ATPAF2: variants seen among roughly 807,000 people sequenced by gnomAD.
The protein encoded by ATPAF2 is ATP synthase mitochondrial F1 complex assembly factor 2, also known as ATP12 homolog.
A neutral mutation model predicts 36.6 loss-of-function variants in ATPAF2; 30 were observed. The observed-to-expected ratio is 0.82, with a 90% CI of 0.61 to 1.11. The LOEUF (loss-of-function observed/expected upper bound fraction) is 1.11. Among genes scored for constraint, ATPAF2 ranks in the 50% most tolerant of loss-of-function variants. The probability of loss-of-function intolerance (pLI) is 0.00; values close to 1 mark genes in which losing one functional copy is unlikely to be tolerated. For missense variants in ATPAF2, 321 were observed against 372.3 expected, an observed-to-expected ratio of 0.86 and a Z score of 1.13; for synonymous variants, 140 against 152.6, an observed-to-expected ratio of 0.92 and a Z score of 0.61.
chr17:18,017,194 AAAAAAAAAAAAAAAT>A (rs1231725111), downstream of ATPAF2, among the ~76,000 whole-genome samples: 10 of 148,756 alleles, frequency 6.7e-5, no homozygotes, highest in East Asian at 1.7e-3. Context: ...AAAAAAAAAA[AAAAAAAAAAAAAAAT>A]GTTCATGTAG....
chr17:18,016,225 CTGGA>C (rs1347752423), downstream of ATPAF2: 4 of 1,603,450 alleles, frequency 2.5e-6, no homozygotes, highest in African/African-American at 5.4e-5. Flanking sequence ...TCCTAGCAGG[CTGGA>C]TGAACTTTTC....
At chr17:18,038,699 T>C (rs1261112401) in intron 1 of ATPAF2, among the ~76,000 whole-genome samples, 182 bp downstream of exon 1, 7 of 152,180 alleles carry the variant, frequency 4.6e-5, no homozygotes, top group Admixed American at 4.6e-4. Flanking sequence ...GACTCGCTGT[T>C]CCCTCTCGGG....
chr17:18,038,882 T>A lies in ATPAF2; in HGVS notation c.132A>T (p.Thr44=), dbSNP rs752169082. ...CAAAAGAACATGTCATGGTCTTACC[T>A]GTCGGCGGGGCGTAAGCCCGGGCTG... is the stretch of plus-strand genomic sequence containing the variant. ...PSPARAYAPP[T]ERKRFYQNVS... is the part of the protein sequence containing the mutation. Residue 44 remains threonine (T), a splice_region_variant and synonymous_variant, in exon 1 of 8, where the codon ACA becomes ACT. Transcript: ENST00000474627. The A allele has an allele frequency of 6.2e-7, 1 of 1,613,998 alleles. No individual in the cohort carries two copies. The highest frequency in any genetic ancestry group is 8.5e-7 in the Non-Finnish European group (1 of 1,179,856).
intron 1 of ATPAF2, among the ~76,000 whole-genome samples, chr17:18,038,217 C>G (rs1215960957): frequency 1.3e-5 from 2 of 152,186 alleles, no homozygotes; most frequent in Non-Finnish European, 2.9e-5. Flanking sequence ...TACTGCTCTT[C>G]ATTCACTGAA....
intron 2 of ATPAF2, 32 bp downstream of exon 2, chr17:18,028,583 A>G: frequency 6.2e-7 from 1 of 1,605,546 alleles, no homozygotes; most frequent in Non-Finnish European, 8.5e-7. Flanking sequence ...AAAAAAAAAA[A>G]AAAAGAGGCA....
intron 1 of ATPAF2, among the ~76,000 whole-genome samples, chr17:18,035,788 A>G (rs934143604): frequency 1.1e-4 from 16 of 152,236 alleles, no homozygotes; most frequent in Admixed American, 5.9e-4. Context: ...TCTACAGACT[A>G]CATAATCTCC....
rs551939105 is a variant in ATPAF2 at position 18,018,441 on chromosome 17, G to A, written c.*108C>T. 2.3e-5 allele frequency: 34 copies of A among 1,496,396 alleles called. No individual in the cohort carries two copies. Among genetic ancestry groups the A allele is most frequent in the East Asian group, 1.6e-4 (7 of 44,406 alleles). 92.7% of individuals were successfully genotyped at this position (1,496,396 alleles called of 1,614,324 possible). A position where few individuals can be genotyped will look rare whatever the true frequency, so the allele number is the denominator to read the frequency against. On this transcript the variant is annotated 3_prime_UTR_variant, in exon 8 of 8. Coordinates refer to ENST00000474627, the MANE Select transcript of ATPAF2 (RefSeq NM_145691.4). ...GGAATCTCAGGGTGACGCTGAGGCC[G>A]AGTCCCCAAAAGCCAAGGAAGCCAG...
intron 1 of ATPAF2, among the ~76,000 whole-genome samples, chr17:18,031,637 G>A (rs557890436): frequency 3.9e-5 from 6 of 151,956 alleles, no homozygotes; most frequent in South Asian, 4.2e-4. Context: ...AAAATTAGCC[G>A]GGCGTGGTGG....
rs758558880 is a variant in ATPAF2 at position 18,021,867 on chromosome 17, A to C, written c.504-10T>G. ...GATCTCCACGCCGTATCTGAAAGGA[A>C]AAGGGCTTCGGCATGTCTCTGTCAT... On this transcript the variant is annotated splice_polypyrimidine_tract_variant and intron_variant, in intron 5 of 7. Coordinates refer to ENST00000474627, the MANE Select transcript of ATPAF2 (RefSeq NM_145691.4). 1 of 1,612,590 alleles carries C rather than the reference A, an allele frequency of 6.2e-7. No homozygotes were observed. Among genetic ancestry groups the C allele is most frequent in the Admixed American group, 1.7e-5 (1 of 60,016 alleles).
At chr17:18,030,972 C>CTTTTT (rs1316913316) in intron 1 of ATPAF2, among the ~76,000 whole-genome samples, 1 of 88,450 alleles carries the variant, frequency 1.1e-5, no homozygotes, top group Non-Finnish European at 2.2e-5. Context: ...CGCGCCTGGC[C>CTTTTT]TTTTTTTTTT....
intron 1 of ATPAF2, among the ~76,000 whole-genome samples, chr17:18,032,967 G>T (rs1003400416): frequency 7.2e-5 from 11 of 151,750 alleles, no homozygotes; most frequent in African/African-American, 2.7e-4. Context: ...GAGAATGCAA[G>T]ATTCTCTAAG....
At position 18,026,371 on chromosome 17, in the gene ATPAF2, T is replaced by C; in HGVS notation, c.370A>G (p.Lys124Glu). Residue 124 changes from lysine (K) to glutamate (E), a missense_variant, in exon 4 of 8, where the codon AAG (lysine) becomes GAG (glutamate). Transcript: ENST00000474627. ...TSLDNPTQRN[K>E]DQLIRAAVKF... is the part of the protein sequence containing the mutation. ...ACGGCTGCCCGGATCAGCTGATCCT[T>C]GTTTCTCTGGGTTGGGTTGTCCAAT... The C allele has an allele frequency of 6.2e-7, 1 of 1,614,212 alleles. No individual in the cohort carries two copies. The highest frequency in any genetic ancestry group is 8.5e-7 in the Non-Finnish European group (1 of 1,180,030).
rs139765181 is a variant in ATPAF2 at position 18,029,693 on chromosome 17, C to A, written c.134-1034G>T. On this transcript the variant is annotated intron_variant, in intron 1 of 7. Coordinates refer to ENST00000474627, the MANE Select transcript of ATPAF2 (RefSeq NM_145691.4). ...GAAACCTCCACCTCCTGGGTTCAAG[C>A]GACTCTCCTGCCTCAGTCCCCTGAG... Among the ~76,000 whole-genome samples, 798 of 151,552 alleles carry A rather than the reference C, an allele frequency of 5.3e-3. 5 individuals are homozygous for A. Among genetic ancestry groups the A allele is most frequent in the East Asian group, 0.031 (161 of 5,152 alleles).
intron 1 of ATPAF2, among the ~76,000 whole-genome samples, chr17:18,030,320 CAAA>C (rs1162130285): frequency 0.37 from 23,284 of 62,500 alleles, 2,045 homozygotes; most frequent in East Asian, 0.69. Context: ...GACTCCATCT[CAAA>C]AAAAAAAAAA....
intron 1 of ATPAF2, 79 bp from the exon 2 acceptor site, chr17:18,028,738 A>G: frequency 2.6e-5 from 32 of 1,253,436 alleles, no homozygotes; most frequent in South Asian, 9.6e-5. Context: ...AGCTTGTATC[A>G]TTACTGCTAA....
chr17:18,023,242 C>T (rs2145492012), intron 5 of ATPAF2, among the ~76,000 whole-genome samples: 1 of 151,838 alleles, frequency 6.6e-6, no homozygotes, highest in South Asian at 2.1e-4. Flanking sequence ...ACCAGCCTGG[C>T]CAACATGGTG....
intron 1 of ATPAF2, among the ~76,000 whole-genome samples, chr17:18,031,064 C>T (rs1005927678): frequency 1.3e-5 from 2 of 149,578 alleles, no homozygotes; most frequent in African/African-American, 2.5e-5. Flanking sequence ...GTTCTGCCTC[C>T]TCGGTTCACA....
chr17:18,034,874 C>T (rs888652594), intron 1 of ATPAF2, among the ~76,000 whole-genome samples: 3 of 152,202 alleles, frequency 2.0e-5, no homozygotes, highest in Non-Finnish European at 4.4e-5. Flanking sequence ...GGCATATTTA[C>T]ACATACAATG....
chr17:18,018,723 C>T, intron 7 of ATPAF2, 37 bp from the exon 8 acceptor site: 1 of 1,613,492 alleles, frequency 6.2e-7, no homozygotes, highest in Non-Finnish European at 8.5e-7. Flanking sequence ...GGGTGAGTGG[C>T]CAGTGCCTGG....
Sources: gnomAD v4.1 joint callset for allele counts (sites outside exome capture counted in the v4.1 genomes callset) on GRCh38, gnomAD v4.1.1 for gene constraint, MANE v1.5 for transcripts, NCBI Gene and HGNC (gene_info 2026-07-23, HGNC 2026-07-21) for gene names.